Variants in ME3 observed in about 807,000 individuals in gnomAD.
The protein encoded by ME3 is NADP-dependent malic enzyme, mitochondrial.
Under a neutral mutation model 68.9 loss-of-function variants are expected in ME3, and 48 were observed. That is an observed-to-expected ratio of 0.70 (90% CI 0.55 to 0.89). The LOEUF (loss-of-function observed/expected upper bound fraction) is 0.89. ME3 is among the 40% of genes least tolerant of loss of function. The pLI, the probability that ME3 is intolerant of heterozygous loss-of-function variation, is 0.00. For synonymous variants in ME3, 320 were observed against 318.8 expected (o/e 1.00, Z -0.04); for missense variants, 675 against 797.4 (o/e 0.85, Z 1.85).
At chr11:86,441,231 G>A in exon 15 of ME3, 1 of 1,437,898 alleles carries the variant, frequency 7.0e-7, no homozygotes, top group Non-Finnish European at 9.2e-7. Flanking sequence ...TATATTGTGG[G>A]TGTTACTCTG....
chr11:86,508,080 G>C (rs534729628), intron 5 of ME3, among the ~76,000 whole-genome samples: 1 of 152,166 alleles, frequency 6.6e-6, no homozygotes, highest in East Asian at 1.9e-4. Context: ...GATGCTCCTG[G>C]AAGAAGTGGC....
intron 2 of ME3, among the ~76,000 whole-genome samples, chr11:86,610,207 C>T (rs1284883372): frequency 6.6e-6 from 1 of 152,042 alleles, no homozygotes; most frequent in East Asian, 1.9e-4. Flanking sequence ...AGGAACATGA[C>T]CAGAGAGATG....
downstream of ME3, among the ~76,000 whole-genome samples, chr11:86,438,854 C>G (rs1158986684): frequency 6.6e-6 from 1 of 152,170 alleles, no homozygotes; most frequent in East Asian, 1.9e-4. Flanking sequence ...TTCTCTCTCT[C>G]TCTCTGTTGA....
chr11:86,560,695 T>C (rs915530031), intron 2 of ME3, among the ~76,000 whole-genome samples: 2 of 147,686 alleles, frequency 1.4e-5, no homozygotes, highest in Non-Finnish European at 3.0e-5. Flanking sequence ...AATATATGTA[T>C]ATAATGATAT....
intron 4 of ME3, among the ~76,000 whole-genome samples, chr11:86,545,812 A>G (rs1956326831): frequency 6.6e-6 from 1 of 152,224 alleles, no homozygotes. Context: ...AGAAAAAACT[A>G]CTTTAAATTT....
At chr11:86,663,203 A>C (rs642780) in intron 2 of ME3, among the ~76,000 whole-genome samples, 150,136 of 152,306 alleles carry the variant, frequency 0.99, 74,026 homozygotes, top group Non-Finnish European at 1. Context: ...CTTCTAAAAT[A>C]CCTCTAGTTT....
At chr11:86,447,797 GC>G (rs1227306192) in intron 11 of ME3, among the ~76,000 whole-genome samples, 1 of 149,416 alleles carries the variant, frequency 6.7e-6, no homozygotes, top group Non-Finnish European at 1.5e-5. Context: ...GGCGGAGGTT[GC>G]AGTGAGCTGA....
chr11:86,479,797 A>G (rs1307832374), intron 7 of ME3, among the ~76,000 whole-genome samples: 1 of 149,336 alleles, frequency 6.7e-6, no homozygotes, highest in African/African-American at 2.5e-5. Flanking sequence ...GTTGTTGAAG[A>G]CACAGCTGAT....
At position 86,637,323 on chromosome 11, in the gene ME3, G is replaced by A. The variant is rs546512420; in HGVS notation, c.183+34439C>T. ...CCTATTATAGTACTGAAGGTAATAC[G>A]TAAACAACAACAACAACAAGAAGCA... On this transcript the variant is annotated intron_variant, in intron 2 of 14. Transcript: ENST00000543262. Among the ~76,000 whole-genome samples the A allele has an allele frequency of 8.7e-5, 10 of 114,940 alleles. No homozygotes were observed. The South Asian group carries it at 1.1e-3, about 13-fold the overall frequency. The allele number at this position is 114,940 out of a possible 152,430, so 75.4% of individuals were successfully genotyped here.
intron 2 of ME3, among the ~76,000 whole-genome samples, chr11:86,573,165 G>C (rs1346587514): frequency 1.3e-5 from 2 of 152,160 alleles, no homozygotes; most frequent in East Asian, 3.8e-4. Context: ...GTTCCTTGTA[G>C]ATTCTGGATA....
At chr11:86,520,346 C>G (rs1457250536) in intron 4 of ME3, among the ~76,000 whole-genome samples, 1 of 152,210 alleles carries the variant, frequency 6.6e-6, no homozygotes, top group African/African-American at 2.4e-5. Context: ...TTCATGCATT[C>G]TGCTTTGCGC....
intron 5 of ME3, among the ~76,000 whole-genome samples, chr11:86,507,443 T>C (rs941465451): frequency 8.5e-5 from 13 of 152,178 alleles, no homozygotes; most frequent in African/African-American, 3.1e-4. Flanking sequence ...GCATTGGCCT[T>C]GGAAGTTCCT....
intron 4 of ME3, among the ~76,000 whole-genome samples, chr11:86,550,546 G>T (rs530670956): frequency 6.6e-6 from 1 of 152,204 alleles, no homozygotes; most frequent in Non-Finnish European, 1.5e-5. Flanking sequence ...ACTCAAGGAC[G>T]CCTTTCCAGC....
At chr11:86,567,110 G>A (rs1323855566) in intron 2 of ME3, among the ~76,000 whole-genome samples, 1 of 151,934 alleles carries the variant, frequency 6.6e-6, no homozygotes, top group African/African-American at 2.4e-5. Context: ...CCAGCTACTC[G>A]GGAGGCTGAG....
intron 4 of ME3, among the ~76,000 whole-genome samples, chr11:86,509,640 C>G (rs1452691326): frequency 1.3e-5 from 2 of 151,722 alleles, no homozygotes; most frequent in Non-Finnish European, 2.9e-5. Context: ...AGAAGAGAAG[C>G]CAGGAAATGA....
At chr11:86,549,975 A>T (rs1013178740) in intron 4 of ME3, among the ~76,000 whole-genome samples, 1 of 152,190 alleles carries the variant, frequency 6.6e-6, no homozygotes, top group African/African-American at 2.4e-5. Flanking sequence ...GCAGATTATC[A>T]ACTCCCTAAA....
Position 86,559,827 on chromosome 11 carries a change from G to A in ME3, c.184-4C>T. On this transcript the variant is annotated splice_polypyrimidine_tract_variant and splice_region_variant and intron_variant, in intron 2 of 14. Transcript: ENST00000543262. Reference sequence around the variant, plus strand: ...CTTCAAGGGTAAAGGCCATCCCCTGGGAAAAACAGGAAAAGAACACCCACA... The same window carrying A: ...CTTCAAGGGTAAAGGCCATCCCCTGAGAAAAACAGGAAAAGAACACCCACA... 1 of 1,612,500 alleles carries A rather than the reference G, an allele frequency of 6.2e-7. No individual in the cohort carries two copies. The highest frequency in any genetic ancestry group is 8.5e-7 in the Non-Finnish European group (1 of 1,179,072).
At chr11:86,472,434 G>A (rs1258281622) in intron 7 of ME3, among the ~76,000 whole-genome samples, 1 of 152,216 alleles carries the variant, frequency 6.6e-6, no homozygotes, top group African/African-American at 2.4e-5. Context: ...AGACAAGGAG[G>A]CATGGAACTG....
At chr11:86,606,499 G>A (rs7940788) in intron 2 of ME3, among the ~76,000 whole-genome samples, 26,869 of 152,136 alleles carry the variant, frequency 0.18, 2,757 homozygotes, top group East Asian at 0.4. Flanking sequence ...CAGCGAAGCT[G>A]TTTTCAGGGC....
Sources: allele counts gnomAD v4.1 joint callset (sites outside exome capture counted in the v4.1 genomes callset), GRCh38; gene constraint gnomAD v4.1.1; transcripts MANE v1.5; gene names NCBI Gene and HGNC (gene_info 2026-07-23, HGNC 2026-07-21).